Variants in LRCH2 observed in about 807,000 individuals in gnomAD.
LRCH2 encodes the protein leucine rich repeats and calponin homology domain containing 2.
A neutral mutation model predicts 68.9 loss-of-function variants in LRCH2; 38 were observed. The ratio of observed to expected loss-of-function variants is 0.55; its 90% CI spans 0.43 to 0.72. The LOEUF (loss-of-function observed/expected upper bound fraction) is 0.72, where lower values mean the gene tolerates loss of function less well. Ranked by LOEUF, LRCH2 falls within the 30% of genes least tolerant of loss-of-function variation. The probability of loss-of-function intolerance (pLI) is 0.00; values close to 1 mark genes in which losing one functional copy is unlikely to be tolerated. For missense variants in LRCH2, 528 were observed against 572.9 expected, an observed-to-expected ratio of 0.92 and a Z score of 0.80; for synonymous variants, 191 against 208.1, an observed-to-expected ratio of 0.92 and a Z score of 0.71.
intron 20 of LRCH2, among the ~76,000 whole-genome samples, chrX:115,114,540 T>C (rs1443602015): frequency 8.2e-5 from 9 of 109,969 alleles, no homozygotes; most frequent in African/African-American, 3.0e-4. Flanking sequence ...ATAAAAAAAA[T>C]CAATGCAACC....
intron 1 of LRCH2, among the ~76,000 whole-genome samples, chrX:115,230,871 C>T (rs1392806098): frequency 9.1e-6 from 1 of 110,355 alleles, no homozygotes; most frequent in Non-Finnish European, 1.9e-5. Flanking sequence ...ATTAGAATTA[C>T]CTGGGAAGAT....
intron 1 of LRCH2, among the ~76,000 whole-genome samples, chrX:115,232,250 AG>A (rs1207133299): frequency 9.2e-6 from 1 of 108,144 alleles, no homozygotes; most frequent in East Asian, 2.9e-4. Flanking sequence ...AAGAACAATA[AG>A]AAAAAAAAAA....
chrX:115,204,450 T>C (rs2072951817), intron 1 of LRCH2, among the ~76,000 whole-genome samples: 1 of 113,090 alleles, frequency 8.8e-6, no homozygotes, highest in Admixed American at 9.3e-5. Context: ...AGGCTGCAGA[T>C]TTTCCAAACT....
At chrX:115,123,624 C>A (rs989125470) in intron 17 of LRCH2, among the ~76,000 whole-genome samples, 10 of 112,006 alleles carry the variant, frequency 8.9e-5, no homozygotes, top group Admixed American at 1.9e-4. Flanking sequence ...CTTTATAAAA[C>A]CACAATATAA....
At chrX:115,125,958 G>T (rs1369923075) in intron 16 of LRCH2, among the ~76,000 whole-genome samples, 2 of 109,516 alleles carry the variant, frequency 1.8e-5, no homozygotes, top group African/African-American at 6.6e-5. Context: ...GTTTTGTAAT[G>T]CAGATCACCC....
intron 6 of LRCH2, among the ~76,000 whole-genome samples, chrX:115,167,258 T>G (rs1199804104): frequency 1.0e-5 from 1 of 99,698 alleles, no homozygotes; most frequent in Non-Finnish European, 2.1e-5. Flanking sequence ...TTTGTACTTT[T>G]CAGAAGTATA....
intron 1 of LRCH2, among the ~76,000 whole-genome samples, chrX:115,229,806 T>C: frequency 8.9e-6 from 1 of 111,970 alleles, no homozygotes; most frequent in Middle Eastern, 4.6e-3. Context: ...GGCTCCATTT[T>C]ACAACCTGAT....
chrX:115,210,942 G>C (rs139043943), intron 1 of LRCH2, among the ~76,000 whole-genome samples: 74 of 111,926 alleles, frequency 6.6e-4, no homozygotes, highest in Non-Finnish European at 1.3e-3. Flanking sequence ...TCTCCCATTT[G>C]GAATGGCTGT....
intron 3 of LRCH2, among the ~76,000 whole-genome samples, chrX:115,181,487 A>G (rs1743283303): frequency 8.9e-6 from 1 of 112,580 alleles, no homozygotes; most frequent in South Asian, 3.6e-4. Flanking sequence ...GTCATTTCCC[A>G]AGAGAAATAA....
At chrX:115,205,290 A>T (rs2072957720) in intron 1 of LRCH2, among the ~76,000 whole-genome samples, 2 of 111,932 alleles carry the variant, frequency 1.8e-5, no homozygotes, top group Admixed American at 1.9e-4. Flanking sequence ...ACCCAGAGCT[A>T]AACCATATCA....
intron 20 of LRCH2, among the ~76,000 whole-genome samples, chrX:115,120,043 G>A (rs1362927253): frequency 4.6e-4 from 50 of 107,925 alleles, no homozygotes; most frequent in African/African-American, 1.5e-3. Context: ...AGATTTAAAC[G>A]TTAGACCTAA....
At position 115,196,062 on chromosome X, in the gene LRCH2, T is replaced by C. The variant is rs782193356; in HGVS notation, c.350-7692A>G. ...GCAGGGGCTTGAGCAGGAATGGGGA[T>C]CAATGGGGAATCCCACAATCAAAAC... On this transcript the variant is annotated intron_variant, in intron 1 of 20. Transcript: ENST00000317135. Among the ~76,000 whole-genome samples, 124 of 111,200 alleles carry C rather than the reference T, an allele frequency of 1.1e-3. 1 individual carries two copies. The highest frequency in any genetic ancestry group is 9.3e-3 in the Middle Eastern group (2 of 216).
At chrX:115,225,159 GA>G (rs782554464) in intron 1 of LRCH2, among the ~76,000 whole-genome samples, 1 of 111,921 alleles carries the variant, frequency 8.9e-6, no homozygotes, top group East Asian at 2.8e-4. Flanking sequence ...AGGCAGAGGG[GA>G]AATTAGAGTA....
intron 1 of LRCH2, among the ~76,000 whole-genome samples, chrX:115,222,115 A>G (rs781889486): frequency 9.0e-6 from 1 of 111,311 alleles, no homozygotes; most frequent in African/African-American, 3.3e-5. Context: ...AAAACCAAAC[A>G]ATATTATATA....
intron 1 of LRCH2, chrX:115,192,225 C>T (rs998476770): frequency 9.5e-6 from 11 of 1,158,878 alleles, no homozygotes; most frequent in South Asian, 1.9e-5. Context: ...GCGGGGGCCG[C>T]GGCCTCAACA....
rs1556576302 is a variant in LRCH2, at chrX:115,226,546, A to C, written c.349+7147T>G. 2.7e-5 allele frequency among the ~76,000 whole-genome samples: 3 copies of C among 111,357 alleles called. No homozygotes were observed. In the Admixed American group the frequency reaches 2.9e-4, roughly 11 times the overall value. The stretch of plus-strand genomic sequence containing the variant: ...AGACAGAGAGATCATTTAGAAAACT[A>C]CTGACAGGTCCAGTTAAAGGTAAGG... On this transcript the variant is annotated intron_variant, in intron 1 of 20. Transcript: ENST00000317135.
At chrX:115,159,255 A>C (rs1210504414) in intron 11 of LRCH2, among the ~76,000 whole-genome samples, 2 of 111,001 alleles carry the variant, frequency 1.8e-5, no homozygotes, top group Non-Finnish European at 3.8e-5. Flanking sequence ...ATCATGCAAC[A>C]TTATTTTTAA....
chrX:115,209,621 G>T (rs2072992596), intron 1 of LRCH2, among the ~76,000 whole-genome samples: 1 of 112,047 alleles, frequency 8.9e-6, no homozygotes, highest in Non-Finnish European at 1.9e-5. Context: ...GTAGAGTGGG[G>T]CACTGCTGAA....
intron 5 of LRCH2, among the ~76,000 whole-genome samples, chrX:115,173,980 T>C (rs1211060368): frequency 8.9e-6 from 1 of 112,265 alleles, no homozygotes; most frequent in Non-Finnish European, 1.9e-5. Context: ...ATATAACATA[T>C]AAAATATGTG....
Sources: allele counts gnomAD v4.1 joint callset (sites outside exome capture counted in the v4.1 genomes callset), GRCh38; gene constraint gnomAD v4.1.1; transcripts MANE v1.5; gene names NCBI Gene and HGNC (gene_info 2026-07-23, HGNC 2026-07-21).